DOCK4: variants seen among roughly 807,000 people sequenced by gnomAD.
DOCK4 encodes dedicator of cytokinesis protein 4.
Under a neutral mutation model 268.1 loss-of-function variants are expected in DOCK4, and 97 were observed. The observed-to-expected ratio is 0.36, with a 90% confidence interval of 0.31 to 0.43. The LOEUF (loss-of-function observed/expected upper bound fraction) is 0.43. Ranked by LOEUF, DOCK4 falls within the 20% of genes least tolerant of loss-of-function variation. DOCK4 has a pLI of 1.00. For missense variants in DOCK4, 2,145 were observed against 2,455.7 expected, an observed-to-expected ratio of 0.87 and a Z score of 2.67; for synonymous variants, 954 against 887.2, an observed-to-expected ratio of 1.08 and a Z score of -1.34.
Position 111,844,885 on chromosome 7 carries a change from G to A in DOCK4, c.2614C>T (p.Leu872=). The part of the protein sequence containing the change: ...IKKNSSEKSV[L]EEIDVIVASL... The stretch of plus-strand genomic sequence containing the variant: ...GCCACTATCACATCTATTTCCTCCA[G>A]CACAGATTTTTCCTTAAGAGAAAAA... Residue 872 remains leucine (L), a synonymous_variant, in exon 25 of 53, where the codon CTG becomes TTG. Transcript: ENST00000428084. The A allele has an allele frequency of 6.2e-7, 1 of 1,610,310 alleles. No homozygotes were observed.
intron 1 of DOCK4, among the ~76,000 whole-genome samples, chr7:112,099,093 C>T (rs1810427568): frequency 1.3e-5 from 2 of 151,612 alleles, no homozygotes; most frequent in South Asian, 2.1e-4. Flanking sequence ...AGTTTGAGAG[C>T]AGCCTGGGCA....
At chr7:112,086,008 T>C (rs1236801498) in intron 1 of DOCK4, among the ~76,000 whole-genome samples, 1 of 152,120 alleles carries the variant, frequency 6.6e-6, no homozygotes, top group Non-Finnish European at 1.5e-5. Context: ...GATTACTCCT[T>C]ATGTTACATG....
At chr7:111,945,681 T>C in intron 9 of DOCK4, 36 bp downstream of exon 9, 2 of 1,501,218 alleles carry the variant, frequency 1.3e-6, no homozygotes, top group Non-Finnish European at 9.1e-7. Flanking sequence ...CATAACTGGA[T>C]GAATCTGCCT....
intron 36 of DOCK4, among the ~76,000 whole-genome samples, chr7:111,776,692 C>CA (rs1192387370): frequency 6.6e-6 from 1 of 152,178 alleles, no homozygotes; most frequent in Non-Finnish European, 1.5e-5. Context: ...AGAACCTCAG[C>CA]AAACCCAAAC....
intron 1 of DOCK4, among the ~76,000 whole-genome samples, chr7:112,010,621 T>C (rs1321391437): frequency 6.6e-6 from 1 of 152,168 alleles, no homozygotes; most frequent in East Asian, 1.9e-4. Context: ...TCTGCCTTCA[T>C]CTGGTAATAG....
At chr7:111,936,485 A>AATGG (rs56276228) in intron 11 of DOCK4, among the ~76,000 whole-genome samples, 2,172 of 148,144 alleles carry the variant, frequency 0.015, 22 homozygotes, top group East Asian at 0.053. Flanking sequence ...CAGTGGTATG[A>AATGG]ATGGATGGAT....
At chr7:111,809,804 C>G (rs1407991658) in intron 28 of DOCK4, among the ~76,000 whole-genome samples, 1 of 152,126 alleles carries the variant, frequency 6.6e-6, no homozygotes, top group East Asian at 1.9e-4. Context: ...TGTGTGAGTT[C>G]ATTTTTGGAA....
intron 8 of DOCK4, among the ~76,000 whole-genome samples, chr7:111,956,021 A>G (rs1796421157): frequency 6.6e-6 from 1 of 152,222 alleles, no homozygotes; most frequent in South Asian, 2.1e-4. Flanking sequence ...AAAAGTAGGC[A>G]CAGAGAGGAT....
chr7:111,821,432 C>T (rs1369617704), intron 27 of DOCK4: 1 of 152,124 alleles, frequency 6.6e-6, no homozygotes, highest in African/African-American at 2.4e-5. Flanking sequence ...AAGACCAGGC[C>T]AGTTTCCTAG....
At position 111,895,627 on chromosome 7, in the gene DOCK4, C is replaced by G. The variant is rs1376919439; in HGVS notation, c.1572G>C (p.Glu524Asp). ...CTGATGTTACCTTATGCACGATGAGCTCATGAGTGCCATCTGGAAGAGTCC... is the reference window on the plus strand; with the variant it reads ...CTGATGTTACCTTATGCACGATGAGGTCATGAGTGCCATCTGGAAGAGTCC... Reference protein sequence around the residue: ...DGRTLPDGTHELIVHKCEENT... With the variant: ...DGRTLPDGTHDLIVHKCEENT... Residue 524 changes from glutamate to aspartate, a missense_variant, in exon 16 of 53, where the codon GAG becomes GAC. This residue lies in a region of DOCK4 where 1,598 missense variants were observed against 1,986.7 expected (regional missense o/e 0.80). Coordinates refer to ENST00000428084, the MANE Select transcript of DOCK4 (RefSeq NM_001363540.2). 1.6e-5 allele frequency: 26 copies of G among 1,613,752 alleles called. No individual in the cohort carries two copies. The highest frequency in any genetic ancestry group is 2.2e-5 in the Non-Finnish European group (26 of 1,179,830).
intron 1 of DOCK4, among the ~76,000 whole-genome samples, chr7:112,056,683 A>AT (rs1366885907): frequency 6.6e-6 from 1 of 152,206 alleles, no homozygotes; most frequent in Non-Finnish European, 1.5e-5. Context: ...CAAAATGGAC[A>AT]AATGGCTTAA....
At chr7:112,016,047 T>A (rs1305997959) in intron 1 of DOCK4, among the ~76,000 whole-genome samples, 2 of 152,196 alleles carry the variant, frequency 1.3e-5, no homozygotes, top group Admixed American at 6.5e-5. Flanking sequence ...CAACATAAGT[T>A]TTGGAGGGGA....
At chr7:112,122,407 T>C (rs1812812313) in intron 1 of DOCK4, among the ~76,000 whole-genome samples, 1 of 152,004 alleles carries the variant, frequency 6.6e-6, no homozygotes, top group African/African-American at 2.4e-5. Context: ...TGGGTCATTA[T>C]GTTTTAAGAT....
intron 1 of DOCK4, among the ~76,000 whole-genome samples, chr7:112,116,511 C>T (rs1448666356): frequency 3.3e-5 from 5 of 152,108 alleles, no homozygotes; most frequent in Admixed American, 2.0e-4. Context: ...CCCCATTTTC[C>T]GCCACAAAGA....
intron 1 of DOCK4, among the ~76,000 whole-genome samples, chr7:112,143,833 C>T (rs1815164007): frequency 6.6e-6 from 1 of 152,228 alleles, no homozygotes. Context: ...CCTCCTCTTT[C>T]CCTTTAGACT....
intron 12 of DOCK4, among the ~76,000 whole-genome samples, chr7:111,916,123 G>A (rs1792565805): frequency 6.6e-6 from 1 of 152,100 alleles, no homozygotes; most frequent in Non-Finnish European, 1.5e-5. Flanking sequence ...ATAGCAAGTG[G>A]AGAAAATGAG....
chr7:112,171,932 T>C (rs1318796947), intron 1 of DOCK4, among the ~76,000 whole-genome samples: 1 of 152,204 alleles, frequency 6.6e-6, no homozygotes, highest in African/African-American at 2.4e-5. Flanking sequence ...GTCCTCTTGC[T>C]GTGTCCTCAC....
intron 12 of DOCK4, among the ~76,000 whole-genome samples, chr7:111,928,021 T>G (rs1793875126): frequency 6.6e-6 from 1 of 152,206 alleles, no homozygotes; most frequent in Non-Finnish European, 1.5e-5. Flanking sequence ...CCCCTAGTAT[T>G]TCTCTACAAC....
At chr7:111,799,904 C>G (rs1800149635) in intron 30 of DOCK4, among the ~76,000 whole-genome samples, 1 of 152,158 alleles carries the variant, frequency 6.6e-6, no homozygotes, top group African/African-American at 2.4e-5. Flanking sequence ...TATCATCCCA[C>G]TACTAATTGC....
Sources: allele counts gnomAD v4.1 joint callset (sites outside exome capture counted in the v4.1 genomes callset), GRCh38; gene constraint gnomAD v4.1.1; regional missense constraint gnomAD v4.1.1; transcripts MANE v1.5; gene names NCBI Gene and HGNC (gene_info 2026-07-23, HGNC 2026-07-21).